MAF: variants seen among roughly 807,000 people sequenced by gnomAD.
MAF encodes transcription factor Maf.
MAF carries 10 observed loss-of-function variants against 22.0 expected under a neutral mutation model. That is an observed-to-expected ratio of 0.45 (90% CI 0.28 to 0.77). The LOEUF (loss-of-function observed/expected upper bound fraction) is 0.77. MAF is among the 30% of genes least tolerant of loss of function. The pLI, the probability that MAF is intolerant of heterozygous loss-of-function variation, is 0.12. For synonymous variants in MAF, 337 were observed against 255.8 expected, an observed-to-expected ratio of 1.32 and a Z score of -3.03; for missense variants, 544 against 548.4, an observed-to-expected ratio of 0.99 and a Z score of 0.08.
chr16:79,401,935 A>C, the MAF span, among the ~76,000 whole-genome samples: 2 of 152,186 alleles, frequency 1.3e-5, no homozygotes, highest in East Asian at 3.9e-4. Flanking sequence ...TTTAATCTTT[A>C]CAAAACCCTT....
the MAF span, among the ~76,000 whole-genome samples, chr16:79,386,178 G>A: frequency 2.0e-5 from 3 of 152,264 alleles, no homozygotes; most frequent in Middle Eastern, 3.4e-3. Flanking sequence ...GATGATTCAC[G>A]TGCATTACAT....
the MAF span, among the ~76,000 whole-genome samples, chr16:79,238,049 C>A: frequency 1.3e-5 from 2 of 152,110 alleles, no homozygotes; most frequent in East Asian, 1.9e-4. Context: ...CATTCAATTT[C>A]TCCTCTCACC....
the MAF span, among the ~76,000 whole-genome samples, chr16:79,332,002 T>C: frequency 6.6e-6 from 1 of 152,350 alleles, no homozygotes; most frequent in East Asian, 1.9e-4. Flanking sequence ...GTTAATTTGT[T>C]CATTACCTGA....
chr16:79,244,713 A>T, the MAF span, among the ~76,000 whole-genome samples: 5 of 152,040 alleles, frequency 3.3e-5, no homozygotes, highest in African/African-American at 1.2e-4. Flanking sequence ...ATTAGAAAAA[A>T]CTACCTTAAA....
chr16:79,392,308 G>GGA, the MAF span, among the ~76,000 whole-genome samples: 2 of 144,344 alleles, frequency 1.4e-5, no homozygotes, highest in Non-Finnish European at 3.1e-5. Flanking sequence ...AGTGAAGGAA[G>GGA]GAGAGAGAGG....
At chr16:79,535,411 T>C in the MAF span, among the ~76,000 whole-genome samples, 1 of 150,724 alleles carries the variant, frequency 6.6e-6, no homozygotes, top group Non-Finnish European at 1.5e-5. Flanking sequence ...CTTCTGCTTG[T>C]TTTATGGGTC....
At chr16:79,587,918 C>T (rs1912951789) in intron 1 of MAF, among the ~76,000 whole-genome samples, 1 of 150,982 alleles carries the variant, frequency 6.6e-6, no homozygotes, top group Non-Finnish European at 1.5e-5. Context: ...CGTCCAAAAG[C>T]CATTGCAGTT....
the MAF span, among the ~76,000 whole-genome samples, chr16:79,298,125 A>C: frequency 6.6e-6 from 1 of 152,396 alleles, no homozygotes; most frequent in Admixed American, 6.5e-5. Context: ...GCAAGGCAGC[A>C]CACTGATGAA....
downstream of MAF, among the ~76,000 whole-genome samples, chr16:79,583,988 A>C (rs1912687078): frequency 6.6e-6 from 1 of 152,194 alleles, no homozygotes; most frequent in Non-Finnish European, 1.5e-5. Context: ...CTAATGAAAA[A>C]TGTTAGTCAG....
the MAF span, among the ~76,000 whole-genome samples, chr16:79,551,170 G>A: frequency 1.3e-5 from 2 of 152,246 alleles, no homozygotes; most frequent in Admixed American, 6.5e-5. Context: ...GGTCACCCAA[G>A]GAAGGGACAA....
At chr16:79,238,247 C>T in the MAF span, among the ~76,000 whole-genome samples, 10,976 of 152,110 alleles carry the variant, frequency 0.072, 580 homozygotes, top group Middle Eastern at 0.15. Flanking sequence ...AACTGAATGC[C>T]AGCTTTTCCC....
chr16:79,289,150 C>T, the MAF span, among the ~76,000 whole-genome samples: 4 of 152,080 alleles, frequency 2.6e-5, no homozygotes, highest in African/African-American at 9.7e-5. Context: ...AAATGTCACT[C>T]GATTCTCAAG....
At chr16:79,514,625 C>T in the MAF span, among the ~76,000 whole-genome samples, 50 of 152,098 alleles carry the variant, frequency 3.3e-4, no homozygotes, top group Non-Finnish European at 6.6e-4. Context: ...AGAAAAATCT[C>T]GGTTTGAAAC....
chr16:79,462,355 T>C, the MAF span, among the ~76,000 whole-genome samples: 1 of 152,176 alleles, frequency 6.6e-6, no homozygotes, highest in African/African-American at 2.4e-5. Context: ...CAATTGGTAG[T>C]AGACAAGATT....
At chr16:79,393,501 T>C in the MAF span, among the ~76,000 whole-genome samples, 1 of 152,232 alleles carries the variant, frequency 6.6e-6, no homozygotes, top group Non-Finnish European at 1.5e-5. Context: ...CCACGGAGCT[T>C]TGTCCTCTGT....
At chr16:79,401,841 G>C in the MAF span, among the ~76,000 whole-genome samples, 2 of 152,206 alleles carry the variant, frequency 1.3e-5, no homozygotes, top group Non-Finnish European at 2.9e-5. Flanking sequence ...TCCCCAAGTA[G>C]GAAGGGGTTT....
the MAF span, among the ~76,000 whole-genome samples, chr16:79,326,520 C>T: frequency 0.17 from 25,758 of 152,122 alleles, 2,811 homozygotes; most frequent in Non-Finnish European, 0.22. Context: ...GACGTGAGCA[C>T]GACATTAAAT....
At chr16:79,343,950 C>G in the MAF span, among the ~76,000 whole-genome samples, 1 of 152,190 alleles carries the variant, frequency 6.6e-6, no homozygotes, top group Admixed American at 6.5e-5. Flanking sequence ...TGCATTTATG[C>G]ATCCTCTGAA....
At chr16:79,350,223 T>C in the MAF span, among the ~76,000 whole-genome samples, 1 of 152,160 alleles carries the variant, frequency 6.6e-6, no homozygotes, top group African/African-American at 2.4e-5. Context: ...CCAGCTATGC[T>C]TGTTGGTGAA....
Sources: gnomAD v4.1 joint callset for allele counts (sites outside exome capture counted in the v4.1 genomes callset) on GRCh38, gnomAD v4.1.1 for gene constraint, MANE v1.5 for transcripts, NCBI Gene and HGNC (gene_info 2026-07-23, HGNC 2026-07-21) for gene names.